The following POLR3H variants were observed in gnomAD, a reference collection of about 807,000 sequenced individuals.
POLR3H encodes the protein RNA polymerase III subunit H, also known as DNA-directed RNA polymerase III subunit RPC8.
POLR3H carries 17 observed loss-of-function variants against 25.5 expected under a neutral mutation model. The observed-to-expected ratio is 0.67, with a 90% CI of 0.46 to 1.00. The LOEUF is 1.00. Ranked by LOEUF, POLR3H falls within the 50% of genes least tolerant of loss-of-function variation. The pLI, the probability that POLR3H is intolerant of heterozygous loss-of-function variation, is 0.00. For missense variants in POLR3H, 274 were observed against 265.0 expected (o/e 1.03, Z -0.24); for synonymous variants, 129 against 103.0 (o/e 1.25, Z -1.53).
At chr22:41,536,941 C>T (rs1377572296) in intron 2 of POLR3H, among the ~76,000 whole-genome samples, 1 of 149,398 alleles carries the variant, frequency 6.7e-6, no homozygotes, top group African/African-American at 2.5e-5. Context: ...GCTGAGGAGG[C>T]TGCCCGATTT....
rs140901049 is a variant in POLR3H at position 41,530,855 on chromosome 22, G to C, written c.393C>G (p.Tyr131Ter). The C allele has an allele frequency of 6.8e-6, 11 of 1,613,914 alleles. No homozygotes were observed. The highest frequency in any genetic ancestry group is 7.6e-6 in the Non-Finnish European group (9 of 1,180,020). Residue 131 changes from tyrosine to a stop codon, truncating the protein, a stop_gained, in exon 5 of 6, where the codon TAC becomes TAG. Transcript: ENST00000355209. LOFTEE classifies it high-confidence loss of function. ...DEAEQVWVWE[Y>*]ETEEGAHDLY... ...GGTCGTGTGCTCCTTCCTCCGTCTC[G>C]TACTCCCACACCCACACCTGCTCCG...
chr22:41,530,815 C>T lies in POLR3H; in HGVS notation c.433G>A (p.Gly145Ser), dbSNP rs763860979. ...ACCACCCGGAAGCGGATCTCCTCGC[C>T]GGTGTCCATGTAGAGGTCGTGTGCT... ...EGAHDLYMDT[G>S]EEIRFRVVDE... Residue 145 changes from glycine to serine, a missense_variant, in exon 5 of 6, where the codon GGC becomes AGC. Transcript: ENST00000355209. 6.8e-6 allele frequency: 11 copies of T among 1,614,022 alleles called. No homozygotes were observed. In the East Asian group the frequency reaches 1.6e-4, roughly 23 times the overall value.
Position 41,527,649 on chromosome 22 carries a change from T to A in POLR3H, c.*1634A>T. 1.3e-6 allele frequency: 1 copy of A among 794,134 alleles called. No individual in the cohort carries two copies. Among genetic ancestry groups the A allele is most frequent in the Non-Finnish European group, 1.9e-6 (1 of 513,966 alleles). The allele number at this position is 794,134 out of a possible 1,614,324, so 49.2% of individuals were successfully genotyped here. On this transcript the variant is annotated 3_prime_UTR_variant, in exon 6 of 6. Coordinates refer to ENST00000355209, the MANE Select transcript of POLR3H (RefSeq NM_001018050.4). ...CTTGTAGATCTGAGCCGCTGAGATCTAGGACATGTGCCAGGGGGTTCTTTC... is the reference window on the plus strand; with the variant it reads ...CTTGTAGATCTGAGCCGCTGAGATCAAGGACATGTGCCAGGGGGTTCTTTC...
In POLR3H at chr22:41,528,070, CTTG is replaced by C; in HGVS notation, c.*1210_*1212del. On this transcript the variant is annotated 3_prime_UTR_variant, in exon 6 of 6. Transcript: ENST00000355209. ...AGGTGGTGGGGTGAGGGGCAGCCAC[CTTG>C]TTTCCCCTCCTGCACTGGCCCCAGG... 6.2e-7 allele frequency: 1 copy of C among 1,612,578 alleles called. No individual in the cohort carries two copies. The highest frequency in any genetic ancestry group is 8.5e-7 in the Non-Finnish European group (1 of 1,179,646).
chr22:41,534,492 C>T (rs1414482669), intron 2 of POLR3H, among the ~76,000 whole-genome samples: 2 of 152,178 alleles, frequency 1.3e-5, no homozygotes, highest in Admixed American at 6.5e-5. Context: ...TCCAGAACCA[C>T]ATCCATAGAG....
intron 1 of POLR3H, among the ~76,000 whole-genome samples, chr22:41,542,380 G>A (rs2066943246): frequency 1.3e-5 from 2 of 151,886 alleles, no homozygotes; most frequent in African/African-American, 2.4e-5. Context: ...CCCCACGCCC[G>A]GCCTGTATTC....
intron 2 of POLR3H, among the ~76,000 whole-genome samples, chr22:41,538,767 T>C (rs1257361903): frequency 6.6e-6 from 1 of 152,226 alleles, no homozygotes; most frequent in African/African-American, 2.4e-5. Flanking sequence ...AAAGACAGCC[T>C]GTTTCTTCGG....
At position 41,529,146 on chromosome 22, in the gene POLR3H, G is replaced by A. The variant is rs2066668343; in HGVS notation, c.*137C>T. On this transcript the variant is annotated 3_prime_UTR_variant, in exon 6 of 6. Coordinates refer to ENST00000355209, the MANE Select transcript of POLR3H (RefSeq NM_001018050.4). ...AGATGGTGGAGGAGCGGGGCAAGCT[G>A]GTGGGCACTCCTGGCCTTGCCTCAC... 2 of 698,346 alleles carry A rather than the reference G, an allele frequency of 2.9e-6. No individual in the cohort carries two copies. The highest frequency in any genetic ancestry group is 1.8e-5 in the South Asian group (1 of 55,692). The allele number at this position is 698,346 out of a possible 1,614,324, so 43.3% of individuals were successfully genotyped here.
At chr22:41,540,869 C>A in intron 1 of POLR3H, 74 bp from the exon 2 acceptor site, 1 of 1,122,970 alleles carries the variant, frequency 8.9e-7, no homozygotes, top group Non-Finnish European at 1.3e-6. Flanking sequence ...CCCAGGCAAT[C>A]TGAGCCCCTC....
At chr22:41,538,292 C>T (rs1316127554) in intron 2 of POLR3H, among the ~76,000 whole-genome samples, 1 of 152,076 alleles carries the variant, frequency 6.6e-6, no homozygotes. Flanking sequence ...TGCCGCCACA[C>T]CTGGCTAATG....
rs747847114 is a variant in POLR3H, at chr22:41,526,229, C to T, written c.*3054G>A. 2 of 1,595,710 alleles carry T rather than the reference C, an allele frequency of 1.3e-6. No homozygotes were observed. Among genetic ancestry groups the T allele is most frequent in the Admixed American group, 1.7e-5 (1 of 59,512 alleles). On this transcript the variant is annotated 3_prime_UTR_variant, in exon 6 of 6. Transcript: ENST00000355209. ...GTCATCCACCCCTCCAGGGCCATGC[C>T]CTGACCTCTGTCCTCTCTACTTACC...
At chr22:41,536,866 CAAAAAA>C (rs576432041) in intron 2 of POLR3H, among the ~76,000 whole-genome samples, 1 of 55,644 alleles carries the variant, frequency 1.8e-5, no homozygotes, top group Non-Finnish European at 3.5e-5. Flanking sequence ...GACTCTGTCT[CAAAAAA>C]AAAAAAAAAA....
chr22:41,531,003 A>G, intron 4 of POLR3H, 115 bp from the exon 5 acceptor site: 1 of 1,007,252 alleles, frequency 9.9e-7, no homozygotes, highest in Non-Finnish European at 1.5e-6. Flanking sequence ...TGTGGCTGGG[A>G]AGTCACAGGA....
At chr22:41,537,201 G>A (rs929953266) in intron 2 of POLR3H, among the ~76,000 whole-genome samples, 10 of 152,140 alleles carry the variant, frequency 6.6e-5, no homozygotes, top group East Asian at 1.9e-4. Context: ...CCCCACGTGC[G>A]GGGCGCTAGA....
At chr22:41,532,279 T>C in intron 3 of POLR3H, 122 bp from the exon 4 acceptor site, 1 of 970,124 alleles carries the variant, frequency 1.0e-6, no homozygotes, top group East Asian at 2.5e-5. Context: ...GATGTCGCTG[T>C]GGAAACCTAG....
Position 41,544,070 on chromosome 22 carries a change from A to AC in POLR3H, c.31dup (p.Val11GlyfsTer9), listed in dbSNP as rs780903575. On this transcript the variant is annotated frameshift_variant, in exon 1 of 6. Transcript: ENST00000355209. LOFTEE classifies it high-confidence loss of function. ...CTCAAACTGCCAAGGGGGGATCCGG[A>AC]CGGTGTCCACCATTTCCACCAGGAC... is the stretch of plus-strand genomic sequence containing the variant. 6.2e-6 allele frequency: 10 copies of AC among 1,602,140 alleles called. No homozygotes were observed. The highest frequency in any genetic ancestry group is 8.5e-6 in the Non-Finnish European group (10 of 1,173,396).
chr22:41,526,582 G>A lies in POLR3H; in HGVS notation c.*2701C>T. Reference sequence around the variant, plus strand: ...GACCAAGCCCAAAGGGGACTGCTGTGGAAGGGAGGAGAGGCCTGCAGCCCC... The same window carrying A: ...GACCAAGCCCAAAGGGGACTGCTGTAGAAGGGAGGAGAGGCCTGCAGCCCC... On this transcript the variant is annotated 3_prime_UTR_variant, in exon 6 of 6. Coordinates refer to ENST00000355209, the MANE Select transcript of POLR3H (RefSeq NM_001018050.4). 1 of 1,066,498 alleles carries A rather than the reference G, an allele frequency of 9.4e-7. No homozygotes were observed. The highest frequency in any genetic ancestry group is 1.7e-5 in the South Asian group (1 of 57,706). The allele number at this position is 1,066,498 out of a possible 1,614,324, so 66.1% of individuals were successfully genotyped here.
At chr22:41,529,616 G>C in intron 5 of POLR3H, 1 of 697,414 alleles carries the variant, frequency 1.4e-6, no homozygotes. Flanking sequence ...GGTTCTAATC[G>C]TGGCAGGAAG....
At position 41,532,254 on chromosome 22, in the gene POLR3H, G is replaced by T. The variant is rs2066750458; in HGVS notation, c.296-97C>A. On this transcript the variant is annotated intron_variant, in intron 3 of 5. Coordinates refer to ENST00000355209, the MANE Select transcript of POLR3H (RefSeq NM_001018050.4). ...GCTTGACAGGCAAGCCCTGCCTGGGGCTGCCCACGAGGCGGATGTCGCTGT... is the reference window on the plus strand; with the variant it reads ...GCTTGACAGGCAAGCCCTGCCTGGGTCTGCCCACGAGGCGGATGTCGCTGT... 4 of 1,234,152 alleles carry T rather than the reference G, an allele frequency of 3.2e-6. No individual in the cohort carries two copies. In the Admixed American group the frequency reaches 5.2e-5, roughly 16 times the overall value. 76.5% of individuals were successfully genotyped at this position (1,234,152 alleles called of 1,614,324 possible). A position where few individuals can be genotyped will look rare whatever the true frequency, so the allele number is the denominator to read the frequency against.
Sources: allele counts gnomAD v4.1 joint callset (sites outside exome capture counted in the v4.1 genomes callset), GRCh38; gene constraint gnomAD v4.1.1; transcripts MANE v1.5; gene names NCBI Gene and HGNC (gene_info 2026-07-23, HGNC 2026-07-21).